Variants in SLC28A3 observed in about 807,000 individuals in gnomAD.
The protein encoded by SLC28A3 is solute carrier family 28 member 3, also known as concentrative Na(+)-nucleoside cotransporter 3.
SLC28A3 carries 68 observed loss-of-function variants against 84.2 expected under a neutral mutation model. The ratio of observed to expected loss-of-function variants is 0.81; its 90% CI spans 0.66 to 0.99. The LOEUF is 0.99. Ranked by LOEUF, SLC28A3 falls within the 50% of genes least tolerant of loss-of-function variation. SLC28A3 has a pLI of 0.00. For synonymous variants in SLC28A3, 267 were observed against 303.6 expected (o/e 0.88, Z 1.25); for missense variants, 712 against 841.5 (o/e 0.85, Z 1.90).
intron 1 of SLC28A3, among the ~76,000 whole-genome samples, chr9:84,314,973 A>G (rs1826120197): frequency 1.3e-5 from 2 of 152,194 alleles, no homozygotes; most frequent in Admixed American, 6.5e-5. Flanking sequence ...ACTACTTGGG[A>G]GGCTGAGGCA....
chr9:84,332,401 G>C (rs1826823423), intron 1 of SLC28A3, among the ~76,000 whole-genome samples: 1 of 152,204 alleles, frequency 6.6e-6, no homozygotes, highest in Non-Finnish European at 1.5e-5. Flanking sequence ...ATTGCTAAAA[G>C]AGTTAAAAGT....
Position 84,297,335 on chromosome 9 carries a change from C to T in SLC28A3, c.784-37G>A, listed in dbSNP as rs1228489214. 10 of 1,536,690 alleles carry T rather than the reference C, an allele frequency of 6.5e-6. No individual in the cohort carries two copies. The Admixed American group carries it at 6.9e-5, about 11-fold the overall frequency. ...AAAGAAAAAGAGATTTCATTCCAAC[C>T]ACATGACTGGAAATTAGACAGTGCA... On this transcript the variant is annotated intron_variant, in intron 7 of 17. Coordinates refer to ENST00000376238, the MANE Select transcript of SLC28A3 (RefSeq NM_001199633.2).
intron 3 of SLC28A3, among the ~76,000 whole-genome samples, chr9:84,305,977 G>T (rs768817442): frequency 2.6e-5 from 4 of 152,152 alleles, no homozygotes; most frequent in Non-Finnish European, 5.9e-5. Flanking sequence ...TTTGTTATGG[G>T]CTGGGTGGGT....
At position 84,280,537 on chromosome 9, in the gene SLC28A3, G is replaced by T. The variant is rs138135747; in HGVS notation, c.1729+264C>A. ...TCCAGGTGCCCATCATAAACCTATT[G>T]GCATTGGCATGTAAGGTGAAGCCTA... is the stretch of plus-strand genomic sequence containing the variant. On this transcript the variant is annotated intron_variant, in intron 15 of 17. Transcript: ENST00000376238. Among the ~76,000 whole-genome samples the T allele has an allele frequency of 6.4e-4, 97 of 152,252 alleles. 1 individual carries two copies. In the East Asian group the frequency reaches 0.018, roughly 28 times the overall value.
chr9:84,354,375 C>T, the SLC28A3 span, among the ~76,000 whole-genome samples: 5 of 152,342 alleles, frequency 3.3e-5, no homozygotes, highest in Non-Finnish European at 5.9e-5. Context: ...ACCATCCCCC[C>T]TGAAAGGAAC....
At chr9:84,300,246 T>C (rs1825576336) in intron 5 of SLC28A3, among the ~76,000 whole-genome samples, 1 of 152,210 alleles carries the variant, frequency 6.6e-6, no homozygotes, top group Admixed American at 6.5e-5. Flanking sequence ...ACTCTACAAC[T>C]CTTGGGCCCT....
At chr9:84,318,908 G>A (rs182290301) in intron 1 of SLC28A3, among the ~76,000 whole-genome samples, 3 of 151,964 alleles carry the variant, frequency 2.0e-5, no homozygotes, top group African/African-American at 7.2e-5. Flanking sequence ...GTTTCCATGA[G>A]CTTTCTTGAA....
intron 15 of SLC28A3, 56 bp from the exon 16 acceptor site, chr9:84,280,129 C>G: frequency 6.6e-7 from 1 of 1,521,036 alleles, no homozygotes; most frequent in Non-Finnish European, 9.0e-7. Context: ...GATTAAAACT[C>G]TTAGCCTCTG....
intron 1 of SLC28A3, among the ~76,000 whole-genome samples, chr9:84,336,786 C>G (rs1292382421): frequency 6.6e-6 from 1 of 152,222 alleles, no homozygotes; most frequent in Non-Finnish European, 1.5e-5. Context: ...TTTCCCTATA[C>G]CGTGTTCCCT....
Position 84,318,944 on chromosome 9 carries a change from C to G in SLC28A3, c.61-5490G>C, listed in dbSNP as rs573342470. ...GAAACTGCTAGAGGAAGAAGCCATA[C>G]AAATGATAAACGGAGAAATTATGAA... On this transcript the variant is annotated intron_variant, in intron 1 of 17. Transcript: ENST00000376238. Among the ~76,000 whole-genome samples, 63 of 151,596 alleles carry G rather than the reference C, an allele frequency of 4.2e-4. No individual in the cohort carries two copies. In the South Asian group the frequency reaches 0.013, roughly 31 times the overall value.
chr9:84,366,938 T>C, the SLC28A3 span, among the ~76,000 whole-genome samples: 1 of 152,164 alleles, frequency 6.6e-6, no homozygotes, highest in South Asian at 2.1e-4. Context: ...AGTCAACAGG[T>C]GACAAGGCTA....
intron 1 of SLC28A3, among the ~76,000 whole-genome samples, chr9:84,330,175 T>A (rs1826722960): frequency 6.7e-6 from 1 of 148,210 alleles, no homozygotes. Flanking sequence ...AAAAAAAAGC[T>A]CAAAAAAACT....
chr9:84,364,260 T>C, the SLC28A3 span, among the ~76,000 whole-genome samples: 1 of 151,854 alleles, frequency 6.6e-6, no homozygotes, highest in Non-Finnish European at 1.5e-5. Flanking sequence ...GAGTGGCTTA[T>C]AGGCATGCAC....
At chr9:84,296,179 C>A (rs1038293034) in intron 8 of SLC28A3, among the ~76,000 whole-genome samples, 4 of 152,156 alleles carry the variant, frequency 2.6e-5, no homozygotes, top group South Asian at 2.1e-4. Flanking sequence ...ATTTCTATCT[C>A]ACTCTATAAA....
chr9:84,283,678 A>G (rs548990489), intron 14 of SLC28A3, among the ~76,000 whole-genome samples: 1 of 152,334 alleles, frequency 6.6e-6, no homozygotes, highest in Admixed American at 6.5e-5. Context: ...AAGTGATGCA[A>G]TAAGGGGCTC....
chr9:84,323,732 G>A (rs1472783599), intron 1 of SLC28A3, among the ~76,000 whole-genome samples: 1 of 151,966 alleles, frequency 6.6e-6, no homozygotes, highest in African/African-American at 2.4e-5. Context: ...ATATAATCGG[G>A]CCACTGTGCC....
chr9:84,327,829 G>A (rs971386756), intron 1 of SLC28A3, among the ~76,000 whole-genome samples: 8 of 148,402 alleles, frequency 5.4e-5, no homozygotes, highest in Non-Finnish European at 1.2e-4. Context: ...AAGTCAGGAA[G>A]TCAGGAGAAT....
At chr9:84,289,264 C>T (rs972729368) in intron 11 of SLC28A3, among the ~76,000 whole-genome samples, 6 of 152,208 alleles carry the variant, frequency 3.9e-5, no homozygotes, top group African/African-American at 1.4e-4. Flanking sequence ...TACTAATTGG[C>T]ACTCCGAGGC....
upstream of SLC28A3, among the ~76,000 whole-genome samples, chr9:84,344,501 A>G (rs1461781090): frequency 6.6e-6 from 1 of 152,026 alleles, no homozygotes. Context: ...GATGGGTTTT[A>G]TTTAACCCTA....
Sources: gnomAD v4.1 joint callset for allele counts (sites outside exome capture counted in the v4.1 genomes callset) on GRCh38, gnomAD v4.1.1 for gene constraint, MANE v1.5 for transcripts, NCBI Gene and HGNC (gene_info 2026-07-23, HGNC 2026-07-21) for gene names.